The following OVCH1 variants were observed in gnomAD, a reference collection of about 807,000 sequenced individuals.
OVCH1 encodes the protein ovochymase 1.
In OVCH1, 139 loss-of-function variants were observed where a neutral mutation model predicts 138.4. The observed-to-expected ratio is 1.00, with a 90% confidence interval of 0.87 to 1.16. OVCH1 has a LOEUF of 1.16. OVCH1 is among the 50% of genes most tolerant of loss of function. The probability of loss-of-function intolerance (pLI) is 0.00; values close to 1 mark genes in which losing one functional copy is unlikely to be tolerated. For synonymous variants in OVCH1, 453 were observed against 467.8 expected, an observed-to-expected ratio of 0.97 and a Z score of 0.41; for missense variants, 1,367 against 1,357.9, an observed-to-expected ratio of 1.01 and a Z score of -0.11.
At chr12:29,425,248 G>A (rs762619255), downstream of OVCH1, among the ~76,000 whole-genome samples, 2 of 152,060 alleles carry the variant, frequency 1.3e-5, no homozygotes, top group Non-Finnish European at 2.9e-5. Flanking sequence ...CACCGAGTAC[G>A]GTATTTCATT....
chr12:29,465,152 C>G (rs1401811431), exon 17 of OVCH1: 1 of 1,600,512 alleles, frequency 6.2e-7, no homozygotes, highest in African/African-American at 1.3e-5. Context: ...TTCACCTGCT[C>G]TGTTGATTCC....
intron 22 of OVCH1, among the ~76,000 whole-genome samples, chr12:29,446,786 T>A (rs1941628007): frequency 6.6e-6 from 1 of 152,060 alleles, no homozygotes; most frequent in South Asian, 2.1e-4. Context: ...CACTTTGCCA[T>A]ATGAGAAAAT....
intron 9 of OVCH1, 135 bp from the exon 11 acceptor site, chr12:29,477,613 C>T (rs770268762): frequency 3.7e-6 from 6 of 1,605,968 alleles, no homozygotes; most frequent in Non-Finnish European, 5.1e-6. Context: ...GTCCTTTGAT[C>T]ATTCAACATT....
chr12:29,411,304 G>A (rs751394429), downstream of OVCH1, among the ~76,000 whole-genome samples: 14 of 149,954 alleles, frequency 9.3e-5, no homozygotes, highest in South Asian at 2.1e-4. Flanking sequence ...CTCTCAACTC[G>A]TCAAAGTCAT....
chr12:29,496,537 A>G lies in OVCH1; in HGVS notation c.183+19T>C, dbSNP rs776449734. 5 of 1,525,098 alleles carry G rather than the reference A, an allele frequency of 3.3e-6. No homozygotes were observed. In the Admixed American group the frequency reaches 5.5e-5, roughly 17 times the overall value. 94.5% of individuals were successfully genotyped at this position (1,525,098 alleles called of 1,614,324 possible). Reference sequence around the variant, plus strand: ...TCACTGTTTTCTCATTAAGAAATCAATGCCTTTGTTGCACTGACCTGCCAT... The same window carrying G: ...TCACTGTTTTCTCATTAAGAAATCAGTGCCTTTGTTGCACTGACCTGCCAT... On this transcript the variant is annotated intron_variant, in intron 2 of 27. Coordinates refer to ENST00000318184, the Ensembl canonical transcript of OVCH1.
intron 25 of OVCH1, among the ~76,000 whole-genome samples, chr12:29,439,900 A>G (rs1487791025): frequency 2.6e-5 from 4 of 152,332 alleles, no homozygotes; most frequent in East Asian, 3.9e-4. Context: ...GAACAGTCCA[A>G]TGAAAGATGT....
intron 3 of OVCH1, among the ~76,000 whole-genome samples, chr12:29,418,524 T>A (rs1452130698): frequency 6.6e-6 from 1 of 152,220 alleles, no homozygotes; most frequent in African/African-American, 2.4e-5. Context: ...TTCAGAAGTA[T>A]GTGTAGCACT....
chr12:29,470,807 A>G (rs1438700373), intron 16 of OVCH1, among the ~76,000 whole-genome samples: 1 of 152,172 alleles, frequency 6.6e-6, no homozygotes, highest in Non-Finnish European at 1.5e-5. Context: ...GTCTTCCACA[A>G]TGGTTGAACT....
At chr12:29,440,426 C>T in intron 25 of OVCH1, 2 of 187,588 alleles carry the variant, frequency 1.1e-5, no homozygotes, top group South Asian at 9.8e-5. Context: ...TGTGCCCTTT[C>T]ACCCATAGAA....
chr12:29,407,873 A>T (rs1385547802), downstream of OVCH1, among the ~76,000 whole-genome samples: 1 of 151,024 alleles, frequency 6.6e-6, no homozygotes, highest in Non-Finnish European at 1.5e-5. Flanking sequence ...TGGGGATGGC[A>T]TTGAATCTAT....
chr12:29,454,104 A>T (rs1293973385), intron 21 of OVCH1, among the ~76,000 whole-genome samples: 1 of 152,006 alleles, frequency 6.6e-6, no homozygotes, highest in Non-Finnish European at 1.5e-5. Context: ...GTGCCTCAAG[A>T]TCCTGCCTTC....
chr12:29,496,338 C>T lies in OVCH1; in HGVS notation c.184-60G>A, dbSNP rs1038255016. ...TGTCTCCCCACATATGTATCTCCAT[C>T]GGAAACACTGGAGATCAACTTTTCT... On this transcript the variant is annotated intron_variant, in intron 2 of 27. Transcript: ENST00000318184. 16 of 1,361,970 alleles carry T rather than the reference C, an allele frequency of 1.2e-5. No homozygotes were observed. The African/African-American group carries it at 1.4e-4, about 12-fold the overall frequency. 84.4% of individuals were successfully genotyped at this position (1,361,970 alleles called of 1,614,324 possible). A position where few individuals can be genotyped will look rare whatever the true frequency, so the allele number is the denominator to read the frequency against.
intron 4 of OVCH1, among the ~76,000 whole-genome samples, chr12:29,494,840 G>A (rs1943370255): frequency 6.6e-6 from 1 of 152,084 alleles, no homozygotes; most frequent in Non-Finnish European, 1.5e-5. Context: ...GGATGAAGTG[G>A]GGTTGATTAA....
At chr12:29,414,474 A>G (rs1267669551) in intron 3 of OVCH1, among the ~76,000 whole-genome samples, 3 of 152,242 alleles carry the variant, frequency 2.0e-5, no homozygotes, top group Non-Finnish European at 2.9e-5. Context: ...AGCTGCAGCA[A>G]GCATTCCAGA....
rs111349058 is a variant in OVCH1 at position 29,496,545 on chromosome 12, G to C, written c.183+11C>G. 6.4e-7 allele frequency: 1 copy of C among 1,557,124 alleles called. No homozygotes were observed. The highest frequency in any genetic ancestry group is 8.8e-7 in the Non-Finnish European group (1 of 1,134,254). On this transcript the variant is annotated intron_variant, in intron 2 of 27. Transcript: ENST00000318184. Reference sequence around the variant, plus strand: ...TTCTCATTAAGAAATCAATGCCTTTGTTGCACTGACCTGCCATGGATGTCC... The same window carrying C: ...TTCTCATTAAGAAATCAATGCCTTTCTTGCACTGACCTGCCATGGATGTCC...
chr12:29,403,455 T>C, the OVCH1 span, among the ~76,000 whole-genome samples: 1 of 152,188 alleles, frequency 6.6e-6, no homozygotes, highest in Non-Finnish European at 1.5e-5. Context: ...TGATACATTT[T>C]GGTGCAATGT....
At chr12:29,468,373 G>C (rs989816053) in intron 16 of OVCH1, among the ~76,000 whole-genome samples, 7 of 152,058 alleles carry the variant, frequency 4.6e-5, no homozygotes, top group African/African-American at 1.7e-4. Context: ...CTAACAAGTG[G>C]CTCACAAGCA....
At chr12:29,462,588 T>C (rs750317963) in intron 18 of OVCH1, among the ~76,000 whole-genome samples, 1 of 152,094 alleles carries the variant, frequency 6.6e-6, no homozygotes, top group Admixed American at 6.6e-5. Context: ...ACTCATCCTA[T>C]CATTTTAGAT....
At chr12:29,479,691 T>G (rs1942860903) in intron 8 of OVCH1, among the ~76,000 whole-genome samples, 1 of 152,190 alleles carries the variant, frequency 6.6e-6, no homozygotes. Context: ...TTAGACCTAT[T>G]AACAGCCTCA....
Sources: gnomAD v4.1 joint callset for allele counts (sites outside exome capture counted in the v4.1 genomes callset) on GRCh38, gnomAD v4.1.1 for gene constraint, MANE v1.5 for transcripts, NCBI Gene and HGNC (gene_info 2026-07-23, HGNC 2026-07-21) for gene names.